The following GPATCH2 variants were observed in gnomAD, a reference collection of about 807,000 sequenced individuals.
GPATCH2 encodes the protein G-patch domain containing 2.
GPATCH2 carries 51 observed loss-of-function variants against 58.0 expected under a neutral mutation model. The observed-to-expected ratio is 0.88, with a 90% CI of 0.70 to 1.11. The LOEUF is 1.11. GPATCH2 is among the 50% of genes most tolerant of loss of function. The pLI is 0.00. For missense variants in GPATCH2, 625 were observed against 652.2 expected, an observed-to-expected ratio of 0.96 and a Z score of 0.45; for synonymous variants, 222 against 218.5, an observed-to-expected ratio of 1.02 and a Z score of -0.14.
At chr1:217,517,903 T>G (rs988384258) in intron 5 of GPATCH2, among the ~76,000 whole-genome samples, 1 of 152,122 alleles carries the variant, frequency 6.6e-6, no homozygotes, top group Non-Finnish European at 1.5e-5. Context: ...CTGTTCTTCA[T>G]GAGAAACAGT....
chr1:217,557,236 G>A (rs879385434), intron 5 of GPATCH2, among the ~76,000 whole-genome samples: 12 of 151,858 alleles, frequency 7.9e-5, no homozygotes, highest in East Asian at 1.9e-4. Context: ...GTGAAACCCC[G>A]TCTCTACTAA....
chr1:217,445,916 T>A (rs543811479), intron 9 of GPATCH2, among the ~76,000 whole-genome samples: 1 of 152,274 alleles, frequency 6.6e-6, no homozygotes, highest in African/African-American at 2.4e-5. Context: ...ATTAATTTCA[T>A]AGGAGGCTTT....
chr1:217,534,679 C>G (rs1313564047), intron 5 of GPATCH2, among the ~76,000 whole-genome samples: 1 of 152,128 alleles, frequency 6.6e-6, no homozygotes, highest in Non-Finnish European at 1.5e-5. Context: ...ATTAATTGTC[C>G]TCTTTAAAGC....
intron 5 of GPATCH2, among the ~76,000 whole-genome samples, chr1:217,556,002 T>C (rs1665600358): frequency 6.6e-6 from 1 of 152,190 alleles, no homozygotes; most frequent in Non-Finnish European, 1.5e-5. Flanking sequence ...TTTGAACTGC[T>C]CTCTCTTTCT....
In GPATCH2 at chr1:217,620,454, T is replaced by C. The variant is rs1669130490; in HGVS notation, c.102A>G (p.Ser34=). ...CTTGCTCTGAGCTCTCTTCCAATGC[T>C]GAGACAAGGTCATGAACCAGCTCCT... ...TMEELVHDLV[S]ALEESSEQAR... The change falls in exon 2 of 10, where the codon TCA becomes TCG. Residue 34 remains serine (S), a synonymous_variant. Coordinates refer to ENST00000366935, the MANE Select transcript of GPATCH2 (RefSeq NM_018040.5). 6.2e-7 allele frequency: 1 copy of C among 1,613,788 alleles called. No individual in the cohort carries two copies. Among genetic ancestry groups the C allele is most frequent in the African/African-American group, 1.3e-5 (1 of 74,904 alleles).
At chr1:217,472,359 T>A (rs1261005936) in intron 8 of GPATCH2, among the ~76,000 whole-genome samples, 2 of 146,838 alleles carry the variant, frequency 1.4e-5, no homozygotes, top group Admixed American at 1.4e-4. Context: ...TGGAGTGCAG[T>A]GGCCTGATCT....
chr1:217,570,510 CGGCCCAA>C (rs1337631899), intron 5 of GPATCH2, among the ~76,000 whole-genome samples: 1 of 152,168 alleles, frequency 6.6e-6, no homozygotes, highest in Non-Finnish European at 1.5e-5. Context: ...AAGTATCTTG[CGGCCCAA>C]GACAGAGAAC....
intron 5 of GPATCH2, among the ~76,000 whole-genome samples, chr1:217,561,315 G>A (rs1051414286): frequency 3.2e-4 from 48 of 152,262 alleles, no homozygotes; most frequent in African/African-American, 1.1e-3. Flanking sequence ...TTGCTGACAG[G>A]AGGAGCTCTG....
chr1:217,492,322 C>T (rs1661783935), intron 7 of GPATCH2, among the ~76,000 whole-genome samples: 1 of 152,018 alleles, frequency 6.6e-6, no homozygotes, highest in African/African-American at 2.4e-5. Flanking sequence ...TAGAAAAAAA[C>T]ATATTTGATT....
chr1:217,541,619 A>G (rs928173667), intron 5 of GPATCH2, among the ~76,000 whole-genome samples: 3 of 152,218 alleles, frequency 2.0e-5, no homozygotes, highest in East Asian at 3.8e-4. Context: ...CTGCATTAAC[A>G]AAAGAATAAA....
chr1:217,540,417 CAACAAA>C (rs1664680778), intron 5 of GPATCH2, among the ~76,000 whole-genome samples: 1 of 152,144 alleles, frequency 6.6e-6, no homozygotes, highest in African/African-American at 2.4e-5. Context: ...CCCAGTTATT[CAACAAA>C]ACACTGCATG....
intron 5 of GPATCH2, among the ~76,000 whole-genome samples, chr1:217,567,088 C>T (rs1666283891): frequency 7.0e-6 from 1 of 142,348 alleles, no homozygotes; most frequent in South Asian, 2.2e-4. Flanking sequence ...CTCTTGTTGC[C>T]CAGGCTGGAG....
intron 5 of GPATCH2, among the ~76,000 whole-genome samples, chr1:217,564,133 G>C (rs35095172): frequency 0.15 from 22,354 of 148,828 alleles, 2,149 homozygotes; most frequent in Non-Finnish European, 0.21. Context: ...GGAATGTTGT[G>C]AATTACTCAA....
chr1:217,542,968 G>C (rs991181409), intron 5 of GPATCH2, among the ~76,000 whole-genome samples: 1 of 152,170 alleles, frequency 6.6e-6, no homozygotes, highest in Non-Finnish European at 1.5e-5. Context: ...CTATCCCTGA[G>C]CTTAAGATGC....
intron 5 of GPATCH2, among the ~76,000 whole-genome samples, chr1:217,559,739 C>T (rs994400080): frequency 6.6e-6 from 1 of 152,050 alleles, no homozygotes; most frequent in African/African-American, 2.4e-5. Context: ...CAGGGAGAAA[C>T]CAGAGATTGA....
intron 5 of GPATCH2, among the ~76,000 whole-genome samples, chr1:217,559,953 A>C (rs1665839099): frequency 2.0e-5 from 3 of 151,860 alleles, no homozygotes; most frequent in African/African-American, 7.3e-5. Flanking sequence ...GGTTCAAGCG[A>C]TTCTCCTGCC....
At chr1:217,465,300 A>G (rs1424019925) in intron 8 of GPATCH2, among the ~76,000 whole-genome samples, 1 of 152,228 alleles carries the variant, frequency 6.6e-6, no homozygotes, top group Non-Finnish European at 1.5e-5. Context: ...AGAAAGTGAT[A>G]GCTACGGAAG....
intron 9 of GPATCH2, among the ~76,000 whole-genome samples, chr1:217,444,350 A>G (rs1659284013): frequency 6.6e-6 from 1 of 152,124 alleles, no homozygotes; most frequent in African/African-American, 2.4e-5. Context: ...GCTTGCCAGT[A>G]GTGTGAGTGA....
At chr1:217,527,526 G>A (rs1663974726) in intron 5 of GPATCH2, among the ~76,000 whole-genome samples, 1 of 150,194 alleles carries the variant, frequency 6.7e-6, no homozygotes, top group Admixed American at 6.6e-5. Context: ...AGAATCAAAG[G>A]TTTCCACCAT....
Sources: allele counts gnomAD v4.1 joint callset (sites outside exome capture counted in the v4.1 genomes callset), GRCh38; gene constraint gnomAD v4.1.1; transcripts MANE v1.5; gene names NCBI Gene and HGNC (gene_info 2026-07-23, HGNC 2026-07-21).